PPFIA1: variants seen among roughly 807,000 people sequenced by gnomAD.
PPFIA1 encodes the protein PPFI scaffold protein A1, also known as liprin-alpha-1.
PPFIA1 carries 25 observed loss-of-function variants against 149.9 expected under a neutral mutation model. That is an observed-to-expected ratio of 0.17 (90% CI 0.12 to 0.23). The LOEUF (loss-of-function observed/expected upper bound fraction) is 0.23. Ranked by LOEUF, PPFIA1 falls within the 10% of genes least tolerant of loss-of-function variation. The pLI, the probability that PPFIA1 is intolerant of heterozygous loss-of-function variation, is 1.00. For missense variants in PPFIA1, 1,362 were observed against 1,506.5 expected, an observed-to-expected ratio of 0.90 and a Z score of 1.59; for synonymous variants, 549 against 552.8, an observed-to-expected ratio of 0.99 and a Z score of 0.10.
intron 2 of PPFIA1, among the ~76,000 whole-genome samples, chr11:70,290,505 CA>C (rs1157134852): frequency 1.3e-5 from 2 of 152,182 alleles, no homozygotes; most frequent in African/African-American, 4.8e-5. Context: ...GAGATGTGGA[CA>C]AAATGTTTCC....
intron 2 of PPFIA1, among the ~76,000 whole-genome samples, chr11:70,306,863 C>G (rs371183461): frequency 6.6e-6 from 1 of 152,146 alleles, no homozygotes; most frequent in Non-Finnish European, 1.5e-5. Context: ...CACAAAAAAA[C>G]CCCTGAGCCT....
chr11:70,354,800 C>T (rs915191586), intron 17 of PPFIA1, among the ~76,000 whole-genome samples: 4 of 151,974 alleles, frequency 2.6e-5, no homozygotes, highest in Admixed American at 1.3e-4. Context: ...GTATTGGAAC[C>T]GCTCTCTAGG....
intron 2 of PPFIA1, chr11:70,320,287 C>G (rs1042855410): frequency 6.6e-6 from 1 of 152,184 alleles, no homozygotes; most frequent in Non-Finnish European, 1.5e-5. Flanking sequence ...AGACTAGAAA[C>G]CTAGCATGGT....
chr11:70,306,557 T>C (rs2052866211), intron 2 of PPFIA1, among the ~76,000 whole-genome samples: 1 of 152,202 alleles, frequency 6.6e-6, no homozygotes, highest in Non-Finnish European at 1.5e-5. Flanking sequence ...TACAGTAAAA[T>C]GTTTTGTTGT....
intron 19 of PPFIA1, 112 bp from the exon 20 acceptor site, chr11:70,361,983 A>G (rs2135227317): frequency 1.1e-6 from 1 of 948,924 alleles, no homozygotes; most frequent in Admixed American, 2.0e-5. Context: ...CTGGTCTTGA[A>G]CTCCTGGGCT....
At chr11:70,313,219 C>T (rs185238792) in intron 2 of PPFIA1, among the ~76,000 whole-genome samples, 1 of 152,302 alleles carries the variant, frequency 6.6e-6, no homozygotes, top group African/African-American at 2.4e-5. Flanking sequence ...CTCATGGTGT[C>T]ACCTGATAGA....
At chr11:70,362,714 A>G in intron 21 of PPFIA1, 1 of 393,100 alleles carries the variant, frequency 2.5e-6, no homozygotes, top group East Asian at 3.9e-5. Flanking sequence ...GAATGGCTTC[A>G]TAGTATAAAA....
chr11:70,309,348 A>T (rs1306341531), intron 2 of PPFIA1, among the ~76,000 whole-genome samples: 1 of 152,084 alleles, frequency 6.6e-6, no homozygotes, highest in Non-Finnish European at 1.5e-5. Context: ...TTGTATTTTT[A>T]GTAGAGACGG....
chr11:70,349,957 G>A (rs1299977958), intron 16 of PPFIA1: 6 of 455,028 alleles, frequency 1.3e-5, no homozygotes, highest in South Asian at 7.8e-5. Context: ...CAGACCTCAG[G>A]TCCCCATCAG....
intron 13 of PPFIA1, among the ~76,000 whole-genome samples, chr11:70,338,918 C>A (rs577837132): frequency 6.6e-6 from 1 of 152,320 alleles, no homozygotes; most frequent in South Asian, 2.1e-4. Flanking sequence ...CAGCTGGGCT[C>A]CTTGTGGCTC....
intron 2 of PPFIA1, among the ~76,000 whole-genome samples, chr11:70,298,314 G>A: frequency 6.6e-6 from 1 of 152,178 alleles, no homozygotes; most frequent in East Asian, 1.9e-4. Context: ...AGTAGTGGGT[G>A]GGTAGAATAA....
At chr11:70,314,749 A>G (rs1456911897) in intron 2 of PPFIA1, among the ~76,000 whole-genome samples, 1 of 152,138 alleles carries the variant, frequency 6.6e-6, no homozygotes, top group African/African-American at 2.4e-5. Flanking sequence ...TTTTTTCAGC[A>G]TGTATTTCTT....
chr11:70,317,827 C>T (rs112747697), intron 2 of PPFIA1, among the ~76,000 whole-genome samples: 4 of 152,298 alleles, frequency 2.6e-5, no homozygotes, highest in African/African-American at 9.6e-5. Context: ...TCCTCCACTT[C>T]CAGGTCCTCC....
At chr11:70,333,235 G>A in intron 9 of PPFIA1, 1 of 582,740 alleles carries the variant, frequency 1.7e-6, no homozygotes. Context: ...AAAACACCCA[G>A]TCAGTCGCCA....
intron 2 of PPFIA1, among the ~76,000 whole-genome samples, chr11:70,318,720 C>T (rs368467460): frequency 1.3e-5 from 2 of 152,254 alleles, no homozygotes; most frequent in Non-Finnish European, 2.9e-5. Context: ...CAGTCACCAT[C>T]GATCTCCATT....
At chr11:70,309,266 T>G (rs1200657012) in intron 2 of PPFIA1, among the ~76,000 whole-genome samples, 1 of 151,642 alleles carries the variant, frequency 6.6e-6, no homozygotes, top group African/African-American at 2.4e-5. Flanking sequence ...GCCTCTCGGG[T>G]TCAAGCGATT....
chr11:70,294,761 G>A (rs1253955501), intron 2 of PPFIA1, among the ~76,000 whole-genome samples: 1 of 151,600 alleles, frequency 6.6e-6, no homozygotes, highest in East Asian at 1.9e-4. Flanking sequence ...GACTCTTAAC[G>A]AGCATGCTGC....
At chr11:70,341,434 TGGGCTTGAACAGCC>T (rs1206996536) in intron 14 of PPFIA1, among the ~76,000 whole-genome samples, 1 of 152,140 alleles carries the variant, frequency 6.6e-6, no homozygotes, top group Non-Finnish European at 1.5e-5. Context: ...TCCAAGCCTT[TGGGCTTGAACAGCC>T]GGAAGGATGG....
At chr11:70,353,484 A>T (rs1046085784) in intron 16 of PPFIA1, among the ~76,000 whole-genome samples, 3 of 152,346 alleles carry the variant, frequency 2.0e-5, no homozygotes, top group African/African-American at 7.2e-5. Context: ...CAAAACCAGA[A>T]AACACAAATG....
Sources: gnomAD v4.1 joint callset for allele counts (sites outside exome capture counted in the v4.1 genomes callset) on GRCh38, gnomAD v4.1.1 for gene constraint, MANE v1.5 for transcripts, NCBI Gene and HGNC (gene_info 2026-07-23, HGNC 2026-07-21) for gene names.